Variants in STX11 observed in about 807,000 individuals in gnomAD.
The protein encoded by STX11 is syntaxin-11.
STX11 carries 21 observed loss-of-function variants against 19.9 expected under a neutral mutation model. The observed-to-expected ratio is 1.06, with a 90% confidence interval of 0.75 to 1.52. STX11 has a LOEUF of 1.52. Ranked by LOEUF, STX11 falls within the 40% of genes most tolerant of loss-of-function variation. STX11 has a pLI of 0.00. For missense variants in STX11, 438 were observed against 405.9 expected (o/e 1.08, Z -0.68); for synonymous variants, 193 against 174.4 (o/e 1.11, Z -0.84).
rs1042119527 is a variant in STX11 at position 144,177,120 on chromosome 6, G to C, written c.-5-9503G>C. Among the ~76,000 whole-genome samples the C allele has an allele frequency of 7.9e-5, 12 of 152,150 alleles. No individual in the cohort carries two copies. Among genetic ancestry groups the C allele is most frequent in the African/African-American group, 2.9e-4 (12 of 41,428 alleles). On this transcript the variant is annotated intron_variant, in intron 1 of 1. Coordinates refer to ENST00000367568, the MANE Select transcript of STX11 (RefSeq NM_003764.4). This position sits in a 1 kb window ranked among gnomAD's most constrained non-coding sequence, Gnocchi z 4.4. The stretch of plus-strand genomic sequence containing the variant: ...TGGTGTTACGAGTTGGAAAAGAAAA[G>C]GTCATTGATGATTCTGGAAACTCCA...
the STX11 span, among the ~76,000 whole-genome samples, chr6:144,141,014 T>G: frequency 6.6e-6 from 1 of 152,388 alleles, no homozygotes; most frequent in African/African-American, 2.4e-5. Flanking sequence ...TGTTATATTC[T>G]GTTTGTGCTT....
chr6:144,189,300 G>T lies in STX11; in HGVS notation c.*1809G>T, dbSNP rs1207375583. Among the ~76,000 whole-genome samples the T allele has an allele frequency of 6.6e-6, 1 of 152,182 alleles. No homozygotes were observed. The highest frequency in any genetic ancestry group is 1.9e-4 in the East Asian group (1 of 5,204). On this transcript the variant is annotated 3_prime_UTR_variant, in exon 2 of 2. Coordinates refer to ENST00000367568, the MANE Select transcript of STX11 (RefSeq NM_003764.4). ...GCCTCCCAAAGTGCTGAGATTACAG[G>T]CCTGAGCCACTGACCCTGGCCAAAT... is the stretch of plus-strand genomic sequence containing the variant.
In STX11 at chr6:144,169,869, A is replaced by G. The variant is rs1262356964; in HGVS notation, c.-5-16754A>G. Among the ~76,000 whole-genome samples, 2 of 152,158 alleles carry G rather than the reference A, an allele frequency of 1.3e-5. No individual in the cohort carries two copies. The highest frequency in any genetic ancestry group is 4.1e-4 in the South Asian group (2 of 4,822). On this transcript the variant is annotated intron_variant, in intron 1 of 1. Transcript: ENST00000367568. The surrounding 1 kb of genome is among the most constrained non-coding windows in gnomAD (Gnocchi z 5.2). ...CCTGGCTTTTGTTTGTTTTTTGTAG[A>G]GCCATAGTCTCACTATGTTGCTAGT...
At chr6:144,150,389 T>C (rs74979751), upstream of STX11, 8,565 of 684,966 alleles carry the variant, frequency 0.013, 484 homozygotes, top group East Asian at 0.14. Flanking sequence ...GCATGGACTC[T>C]GGGTGGGGCG....
chr6:144,158,880 G>T (rs1272823924), intron 1 of STX11, among the ~76,000 whole-genome samples: 1 of 152,126 alleles, frequency 6.6e-6, no homozygotes, highest in African/African-American at 2.4e-5. Flanking sequence ...CACTTTCCAG[G>T]CTTCATGCCT....
Position 144,176,978 on chromosome 6 carries a change from A to T in STX11, c.-5-9645A>T, listed in dbSNP as rs1352980220. ...TAAAAGATATCAGCCATATATAAGA[A>T]TATTTTTTCTGGGAGAATTTAACAG... On this transcript the variant is annotated intron_variant, in intron 1 of 1. Coordinates refer to ENST00000367568, the MANE Select transcript of STX11 (RefSeq NM_003764.4). The surrounding 1 kb of genome is among the most constrained non-coding windows in gnomAD (Gnocchi z 4.1). 6.6e-6 allele frequency among the ~76,000 whole-genome samples: 1 copy of T among 152,196 alleles called. No individual in the cohort carries two copies. The highest frequency in any genetic ancestry group is 1.5e-5 in the Non-Finnish European group (1 of 68,032).
chr6:144,145,773 A>G (rs577778707), upstream of STX11, among the ~76,000 whole-genome samples: 102 of 152,298 alleles, frequency 6.7e-4, no homozygotes, highest in African/African-American at 2.4e-3. Flanking sequence ...AAGAAAAAAA[A>G]GTAGAATGGT....
Position 144,187,529 on chromosome 6 carries a change from T to C in STX11, c.*38T>C. On this transcript the variant is annotated 3_prime_UTR_variant, in exon 2 of 2. Coordinates refer to ENST00000367568, the MANE Select transcript of STX11 (RefSeq NM_003764.4). The surrounding 1 kb of genome is among the most constrained non-coding windows in gnomAD (Gnocchi z 5.6). ...GGCCGCCACCGCCCATCCCAGACCA[T>C]GGAGCGCGCTGGGAAGGACGCACCA... 6.2e-7 allele frequency: 1 copy of C among 1,609,338 alleles called. No homozygotes were observed. The highest frequency in any genetic ancestry group is 8.5e-7 in the Non-Finnish European group (1 of 1,178,842).
chr6:144,174,875 G>T lies in STX11; in HGVS notation c.-5-11748G>T, dbSNP rs1801738900. 1.3e-5 allele frequency among the ~76,000 whole-genome samples: 2 copies of T among 152,146 alleles called. No homozygotes were observed. The highest frequency in any genetic ancestry group is 1.3e-4 in the Admixed American group (2 of 15,272). ...AGGCCAGGCACAGTGGCACACATCT[G>T]TAATTACAGCACTTTGGGAGGTTGA... On this transcript the variant is annotated intron_variant, in intron 1 of 1. Transcript: ENST00000367568. The surrounding 1 kb of genome is among the most constrained non-coding windows in gnomAD (Gnocchi z 5.3).
At chr6:144,166,343 C>T (rs1801476678) in intron 1 of STX11, among the ~76,000 whole-genome samples, 1 of 152,072 alleles carries the variant, frequency 6.6e-6, no homozygotes, top group African/African-American at 2.4e-5. Flanking sequence ...GACATCAGTC[C>T]TCAGATTGGC....
In STX11 at chr6:144,186,965, C is replaced by G. The variant is rs779925697; in HGVS notation, c.338C>G (p.Ala113Gly). The G allele has an allele frequency of 1.9e-6, 3 of 1,608,892 alleles. No homozygotes were observed. In the African/African-American group the frequency reaches 4.0e-5, roughly 21 times the overall value. ...KLRAMKELSE[A>G]AEAQHGPHSA... is the part of the protein sequence containing the mutation. ...CGCGCCATGAAGGAGCTGAGCGAGG[C>G]GGCTGAGGCCCAGCACGGCCCGCAC... Residue 113 changes from alanine (A) to glycine (G), a missense_variant, in exon 2 of 2, where the codon GCG (alanine) becomes GGG (glycine). Ala to Gly is a moderately conservative substitution (Grantham distance 60). Coordinates refer to ENST00000367568, the MANE Select transcript of STX11 (RefSeq NM_003764.4).
At position 144,186,975 on chromosome 6, in the gene STX11, C is replaced by T; in HGVS notation, c.348C>T (p.Ala116=). 2 of 1,609,024 alleles carry T rather than the reference C, an allele frequency of 1.2e-6. No individual in the cohort carries two copies. Among genetic ancestry groups the T allele is most frequent in the Non-Finnish European group, 1.7e-6 (2 of 1,179,594 alleles). Residue 116 remains alanine, a synonymous_variant, in exon 2 of 2, where the codon GCC becomes GCT. Transcript: ENST00000367568. The part of the protein sequence containing the change: ...AMKELSEAAE[A]QHGPHSAVAR... ...AGGAGCTGAGCGAGGCGGCTGAGGC[C>T]CAGCACGGCCCGCACTCGGCAGTGG...
Position 144,164,204 on chromosome 6 carries a change from A to G in STX11, c.-6+13501A>G, listed in dbSNP as rs930595948. Among the ~76,000 whole-genome samples the G allele has an allele frequency of 2.0e-5, 3 of 152,216 alleles. No individual in the cohort carries two copies. In the East Asian group the frequency reaches 5.8e-4, roughly 29 times the overall value. On this transcript the variant is annotated intron_variant, in intron 1 of 1. Coordinates refer to ENST00000367568, the MANE Select transcript of STX11 (RefSeq NM_003764.4). ...ATCAATCACATAGTCTGCCTTGTGA[A>G]TATTACTTAAAATCTCGTTAAAAGC...
In STX11 at chr6:144,152,728, C is replaced by T. The variant is rs889719952; in HGVS notation, c.-6+2025C>T. 6.6e-6 allele frequency among the ~76,000 whole-genome samples: 1 copy of T among 152,124 alleles called. No homozygotes were observed. Among genetic ancestry groups the T allele is most frequent in the Non-Finnish European group, 1.5e-5 (1 of 68,004 alleles). Reference sequence around the variant, plus strand: ...GGCTCACTGCAACCTCCACCTCCTGCGTTTAAGCAATTCTTGTGCTTCAGC... The same window carrying T: ...GGCTCACTGCAACCTCCACCTCCTGTGTTTAAGCAATTCTTGTGCTTCAGC... On this transcript the variant is annotated intron_variant, in intron 1 of 1. Coordinates refer to ENST00000367568, the MANE Select transcript of STX11 (RefSeq NM_003764.4). This position sits in a 1 kb window ranked among gnomAD's most constrained non-coding sequence, Gnocchi z 4.9.
the STX11 span, chr6:144,140,707 G>A: frequency 1.0e-6 from 1 of 977,080 alleles, no homozygotes; most frequent in Non-Finnish European, 1.2e-6. Context: ...TCCATCTGAA[G>A]AGTGCCAAAG....
In STX11 at chr6:144,177,298, C is replaced by T. The variant is rs1366142047; in HGVS notation, c.-5-9325C>T. On this transcript the variant is annotated intron_variant, in intron 1 of 1. Coordinates refer to ENST00000367568, the MANE Select transcript of STX11 (RefSeq NM_003764.4). The surrounding 1 kb of genome is among the most constrained non-coding windows in gnomAD (Gnocchi z 4.4). The stretch of plus-strand genomic sequence containing the variant: ...GCTGTATTTTCCAGGCAAAGTTTTG[C>T]TTCACATTCTAGGGCCAAAGGGAAA... 6.6e-6 allele frequency among the ~76,000 whole-genome samples: 1 copy of T among 152,192 alleles called. No homozygotes were observed. The highest frequency in any genetic ancestry group is 1.5e-5 in the Non-Finnish European group (1 of 68,020).
chr6:144,148,696 A>G (rs151182069), upstream of STX11, among the ~76,000 whole-genome samples: 85 of 152,268 alleles, frequency 5.6e-4, 1 homozygote, highest in East Asian at 5.2e-3. Flanking sequence ...ATACCACATT[A>G]CATTTAGTTT....
chr6:144,187,472 G>T lies in STX11; in HGVS notation c.845G>T (p.Cys282Phe). ...CCCTGCCGGACCCTCTGCTGCTTCT[G>T]CTGTCCCTGCCTCAAGTAGCAGGCC... Reference protein sequence around the residue: ...KNPCRTLCCFCCPCLK With the variant: ...KNPCRTLCCFFCPCLK The change falls in exon 2 of 2, where the codon TGC (cysteine) becomes TTC (phenylalanine). Residue 282 changes from cysteine (C) to phenylalanine (F), a missense_variant. Transcript: ENST00000367568. This position sits in a 1 kb window ranked among gnomAD's most constrained non-coding sequence, Gnocchi z 5.6. 6.2e-7 allele frequency: 1 copy of T among 1,612,328 alleles called. No homozygotes were observed.
chr6:144,172,365 A>C lies in STX11; in HGVS notation c.-5-14258A>C, dbSNP rs1331995934. Among the ~76,000 whole-genome samples, 1 of 152,172 alleles carries C rather than the reference A, an allele frequency of 6.6e-6. No homozygotes were observed. The highest frequency in any genetic ancestry group is 1.5e-5 in the Non-Finnish European group (1 of 68,030). The stretch of plus-strand genomic sequence containing the variant: ...GCTCTCCGTGCGGTCTTCACCCTCC[A>C]GGAGGCTAGTCTGAGCTTTCTCACA... On this transcript the variant is annotated intron_variant, in intron 1 of 1. Transcript: ENST00000367568. The surrounding 1 kb of genome is among the most constrained non-coding windows in gnomAD (Gnocchi z 4.2).
Sources: allele counts gnomAD v4.1 joint callset (sites outside exome capture counted in the v4.1 genomes callset), GRCh38; gene constraint gnomAD v4.1.1; non-coding constraint Gnocchi (gnomAD v3.1); transcripts MANE v1.5; gene names NCBI Gene and HGNC (gene_info 2026-07-23, HGNC 2026-07-21).